Variants in TMPRSS9 observed in about 807,000 individuals in gnomAD.
The protein encoded by TMPRSS9 is transmembrane protease serine 9.
A neutral mutation model predicts 111.4 loss-of-function variants in TMPRSS9; 113 were observed. The observed-to-expected ratio is 1.01, with a 90% CI of 0.87 to 1.19. The LOEUF is 1.19. TMPRSS9 is among the 50% of genes most tolerant of loss of function. TMPRSS9 has a pLI of 0.00. For missense variants in TMPRSS9, 1,803 were observed against 1,513.1 expected (o/e 1.19, Z -3.18); for synonymous variants, 805 against 659.1 (o/e 1.22, Z -3.39).
At chr19:2,385,174 G>GGGGGGGCGGGGCTCGC (rs1568172950), upstream of TMPRSS9, among the ~76,000 whole-genome samples, 2 of 127,528 alleles carry the variant, frequency 1.6e-5, no homozygotes, top group African/African-American at 8.8e-5. Flanking sequence ...GGGGCTCGCG[G>GGGGGGGCGGGGCTCGC]GGGGCGGGGC....
chr19:2,414,495 C>T (rs1486833917), intron 10 of TMPRSS9, among the ~76,000 whole-genome samples: 1 of 152,094 alleles, frequency 6.6e-6, no homozygotes, highest in African/African-American at 2.4e-5. Flanking sequence ...ACCTCAGCCT[C>T]CCAAAATGCT....
intron 4 of TMPRSS9, among the ~76,000 whole-genome samples, chr19:2,400,927 G>A (rs1970824008): frequency 6.9e-6 from 1 of 145,642 alleles, no homozygotes; most frequent in Admixed American, 7.0e-5. Context: ...AGTGAGCCAA[G>A]ATAGCACCAC....
chr19:2,403,033 C>A (rs771375236), intron 5 of TMPRSS9, 49 bp from the exon 7 acceptor site: 3 of 1,441,818 alleles, frequency 2.1e-6, no homozygotes, highest in Non-Finnish European at 2.9e-6. Flanking sequence ...CTTACTCCAA[C>A]CAGGAGATGT....
intron 5 of TMPRSS9, 83 bp downstream of exon 6, chr19:2,402,099 TC>T (rs1970862257): frequency 5.6e-6 from 8 of 1,423,222 alleles, no homozygotes; most frequent in South Asian, 4.7e-5. Context: ...AGTGAAGGAA[TC>T]CCTGGAACGA....
upstream of TMPRSS9, among the ~76,000 whole-genome samples, chr19:2,386,105 C>G (rs1190230938): frequency 6.6e-6 from 1 of 152,016 alleles, no homozygotes; most frequent in East Asian, 1.9e-4. Flanking sequence ...CCCCACCATG[C>G]CCAGCTAATT....
chr19:2,385,903 C>T (rs1441617297), upstream of TMPRSS9, among the ~76,000 whole-genome samples: 1 of 152,032 alleles, frequency 6.6e-6, no homozygotes, highest in African/African-American at 2.4e-5. Flanking sequence ...AAACAACATC[C>T]TGTGGGCCAG....
At chr19:2,425,080 G>A (rs1971577702) in exon 16 of TMPRSS9, 3 of 1,576,870 alleles carry the variant, frequency 1.9e-6, no homozygotes, top group Non-Finnish European at 2.6e-6. Context: ...TGGAGCGCGT[G>A]GCGCGCATCT....
exon 14 of TMPRSS9, chr19:2,421,985 G>A: frequency 2.5e-6 from 4 of 1,613,166 alleles, no homozygotes; most frequent in East Asian, 2.2e-5. Context: ...CCAGGCTAAA[G>A]GGCTGGATCC....
At chr19:2,375,657 C>T (rs1970327752) in intron 1 of TMPRSS9, among the ~76,000 whole-genome samples, 2 of 152,024 alleles carry the variant, frequency 1.3e-5, no homozygotes, top group African/African-American at 4.8e-5. Flanking sequence ...CAGTATGGAC[C>T]AATCATCACT....
At chr19:2,415,932 G>A in intron 11 of TMPRSS9, 91 bp downstream of exon 12, 4 of 1,414,748 alleles carry the variant, frequency 2.8e-6, no homozygotes, top group Non-Finnish European at 3.8e-6. Context: ...GCTGCTGCAT[G>A]GACCCCACTG....
At chr19:2,408,407 C>A in exon 8 of TMPRSS9, 1 of 1,613,832 alleles carries the variant, frequency 6.2e-7, no homozygotes, top group Non-Finnish European at 8.5e-7. Context: ...CCTACCTCAG[C>A]GGCTCGGAGG....
chr19:2,393,785 C>G (rs61042706), intron 1 of TMPRSS9, among the ~76,000 whole-genome samples: 81,140 of 150,746 alleles, frequency 0.54, 22,998 homozygotes, highest in Middle Eastern at 0.68. Flanking sequence ...GTAATCCCAG[C>G]TACTCAGGAG....
chr19:2,388,089 C>T (rs184966516), upstream of TMPRSS9, among the ~76,000 whole-genome samples: 49 of 152,246 alleles, frequency 3.2e-4, no homozygotes, highest in Middle Eastern at 0.017. Flanking sequence ...TGATGCACCT[C>T]CCTTCGAAAG....
chr19:2,408,305 C>CCCGA, intron 7 of TMPRSS9, 51 bp from the exon 9 acceptor site: 1 of 1,584,592 alleles, frequency 6.3e-7, no homozygotes, highest in Non-Finnish European at 8.6e-7. Context: ...GTCTGCCTCC[C>CCCGA]CCGACGGCTC....
chr19:2,368,729 G>C (rs991716710), intron 1 of TMPRSS9, among the ~76,000 whole-genome samples: 2 of 149,308 alleles, frequency 1.3e-5, no homozygotes, highest in Non-Finnish European at 3.0e-5. Flanking sequence ...AACGTTTTTG[G>C]ATGGACTGGG....
At chr19:2,419,705 CGTG>C (rs1477986424) in intron 13 of TMPRSS9, among the ~76,000 whole-genome samples, 2 of 151,938 alleles carry the variant, frequency 1.3e-5, no homozygotes, top group Non-Finnish European at 2.9e-5. Context: ...TTAGTAGAGA[CGTG>C]GTTTCACCAT....
At chr19:2,425,647 T>G (rs1599323671) in intron 17 of TMPRSS9, 154 bp downstream of exon 18, 1 of 1,349,246 alleles carries the variant, frequency 7.4e-7, no homozygotes, top group East Asian at 2.9e-5. Context: ...TGGAGGAATT[T>G]CCACTCCACA....
intron 12 of TMPRSS9, among the ~76,000 whole-genome samples, chr19:2,417,348 C>T (rs1305610222): frequency 6.6e-6 from 1 of 152,000 alleles, no homozygotes; most frequent in Non-Finnish European, 1.5e-5. Context: ...TGCCTGTAAT[C>T]CCAGCTACTC....
intron 1 of TMPRSS9, among the ~76,000 whole-genome samples, chr19:2,382,677 A>C (rs980069035): frequency 8.0e-6 from 1 of 124,774 alleles, no homozygotes; most frequent in Non-Finnish European, 1.7e-5. Context: ...ACACGTGCAC[A>C]CATACACACA....
Sources: allele counts gnomAD v4.1 joint callset (sites outside exome capture counted in the v4.1 genomes callset), GRCh38; gene constraint gnomAD v4.1.1; transcripts MANE v1.5; gene names NCBI Gene and HGNC (gene_info 2026-07-23, HGNC 2026-07-21).